The following KCNIP4 variants were observed in gnomAD, a reference collection of about 807,000 sequenced individuals.
KCNIP4 encodes the protein potassium voltage-gated channel interacting protein 4.
In KCNIP4, 12 loss-of-function variants were observed where a neutral mutation model predicts 34.0. The observed-to-expected ratio is 0.35, with a 90% CI of 0.23 to 0.57. The LOEUF (loss-of-function observed/expected upper bound fraction) is 0.57. Among genes scored for constraint, KCNIP4 ranks in the 20% least tolerant of loss-of-function variants. KCNIP4 has a pLI of 0.83. For missense variants in KCNIP4, 238 were observed against 311.7 expected, an observed-to-expected ratio of 0.76 and a Z score of 1.78; for synonymous variants, 124 against 102.2, an observed-to-expected ratio of 1.21 and a Z score of -1.29.
chr4:21,940,127 G>A (rs1730120731), intron 1 of KCNIP4, among the ~76,000 whole-genome samples: 1 of 152,102 alleles, frequency 6.6e-6, no homozygotes, highest in African/African-American at 2.4e-5. Flanking sequence ...CAGACTTCCA[G>A]TATCAAAGAA....
At chr4:20,905,522 T>TTTTTTTTTTTTTTTTTTG (rs768668990) in intron 1 of KCNIP4, among the ~76,000 whole-genome samples, 47 of 111,242 alleles carry the variant, frequency 4.2e-4, no homozygotes, top group African/African-American at 8.2e-4. Context: ...TTTTTTTTTT[T>TTTTTTTTTTTTTTTTTTG]TTTGTTTGAG....
chr4:21,564,827 A>G (rs773091924), intron 1 of KCNIP4, among the ~76,000 whole-genome samples: 51 of 150,866 alleles, frequency 3.4e-4, no homozygotes, highest in Non-Finnish European at 6.5e-4. Context: ...GAAGCAAGAG[A>G]GAGAGTGGAG....
At chr4:21,282,301 T>G (rs1762825641) in intron 1 of KCNIP4, among the ~76,000 whole-genome samples, 1 of 152,204 alleles carries the variant, frequency 6.6e-6, no homozygotes, top group African/African-American at 2.4e-5. Context: ...ACTACCAAAC[T>G]ATAAGTAGAT....
chr4:21,764,660 C>T (rs146000865), intron 1 of KCNIP4, among the ~76,000 whole-genome samples: 5 of 152,188 alleles, frequency 3.3e-5, no homozygotes, highest in Non-Finnish European at 5.9e-5. Context: ...TTTTGCTCCA[C>T]ATCCCTGGAA....
intron 1 of KCNIP4, among the ~76,000 whole-genome samples, chr4:21,108,800 T>C (rs1449551892): frequency 6.6e-6 from 1 of 152,106 alleles, no homozygotes; most frequent in African/African-American, 2.4e-5. Context: ...TTCTGTTTGT[T>C]GGTTTTCCTT....
intron 1 of KCNIP4, among the ~76,000 whole-genome samples, chr4:21,223,250 A>G (rs1459603129): frequency 6.6e-6 from 1 of 152,178 alleles, no homozygotes; most frequent in Non-Finnish European, 1.5e-5. Context: ...CATGCTGCTG[A>G]CTTTGAAGAT....
At position 21,541,645 on chromosome 4, in the gene KCNIP4, C is replaced by A. The variant is rs555367193; in HGVS notation, c.61+406926G>T. 3.3e-5 allele frequency among the ~76,000 whole-genome samples: 5 copies of A among 152,048 alleles called. No homozygotes were observed. In the South Asian group the frequency reaches 6.2e-4, roughly 19 times the overall value. ...AGTCTTATAAGCTTTCTATTTATTT[C>A]TTTTCTTTTCTTTTCAAGACAGGGT... On this transcript the variant is annotated intron_variant, in intron 1 of 8. Coordinates refer to ENST00000382152, the MANE Select transcript of KCNIP4 (RefSeq NM_025221.6).
intron 1 of KCNIP4, among the ~76,000 whole-genome samples, chr4:21,634,223 CAAAA>C (rs376741978): frequency 0.028 from 3,107 of 112,468 alleles, 55 homozygotes; most frequent in East Asian, 0.089. Context: ...GTTCTTTCCT[CAAAA>C]AAAAAAAAAA....
chr4:21,320,153 A>C (rs1714216731), intron 1 of KCNIP4, among the ~76,000 whole-genome samples: 2 of 152,236 alleles, frequency 1.3e-5, no homozygotes, highest in East Asian at 1.9e-4. Flanking sequence ...ACATTAAACC[A>C]GTACTTCATT....
At chr4:21,298,022 T>C (rs1485513324) in intron 1 of KCNIP4, among the ~76,000 whole-genome samples, 1 of 152,196 alleles carries the variant, frequency 6.6e-6, no homozygotes, top group East Asian at 1.9e-4. Flanking sequence ...TACTTCCTTG[T>C]GATCTTAAGC....
rs1318992761 is a variant in KCNIP4, at chr4:21,835,837, CA to C, written c.61+112733del. ...CAAATGAGGCATATTTGATTCAATA[CA>C]GTTTAACACTGAAAATGAATAAGCC... On this transcript the variant is annotated intron_variant, in intron 1 of 8. Transcript: ENST00000382152. Among the ~76,000 whole-genome samples the C allele has an allele frequency of 3.3e-5, 5 of 152,184 alleles. No individual in the cohort carries two copies. In the East Asian group the frequency reaches 9.6e-4, roughly 29 times the overall value.
chr4:21,813,049 G>A (rs115717769), intron 1 of KCNIP4, among the ~76,000 whole-genome samples: 1 of 152,040 alleles, frequency 6.6e-6, no homozygotes, highest in Non-Finnish European at 1.5e-5. Flanking sequence ...ATCTTCTAAT[G>A]GCTTCTAACT....
At chr4:21,294,332 C>T (rs1053669826) in intron 1 of KCNIP4, among the ~76,000 whole-genome samples, 3 of 152,120 alleles carry the variant, frequency 2.0e-5, no homozygotes, top group Non-Finnish European at 4.4e-5. Flanking sequence ...GATCTGGGCC[C>T]TAACTCCCTG....
intron 4 of KCNIP4, among the ~76,000 whole-genome samples, chr4:20,753,810 C>A (rs528198489): frequency 6.6e-6 from 1 of 152,256 alleles, no homozygotes; most frequent in South Asian, 2.1e-4. Flanking sequence ...TTATTTTAAT[C>A]TTTATGTCTA....
intron 3 of KCNIP4, among the ~76,000 whole-genome samples, chr4:20,814,975 T>A (rs1308249903): frequency 6.6e-6 from 1 of 152,036 alleles, no homozygotes; most frequent in Admixed American, 6.5e-5. Flanking sequence ...ATTCATCTAA[T>A]AATTTATCTC....
intron 1 of KCNIP4, among the ~76,000 whole-genome samples, chr4:21,740,085 T>C (rs1248460997): frequency 6.6e-6 from 1 of 152,040 alleles, no homozygotes; most frequent in African/African-American, 2.4e-5. Flanking sequence ...TACTCAAGAA[T>C]ATATGTATAC....
intron 1 of KCNIP4, among the ~76,000 whole-genome samples, chr4:20,960,970 A>G (rs995776647): frequency 6.6e-6 from 1 of 152,172 alleles, no homozygotes; most frequent in African/African-American, 2.4e-5. Context: ...TCGAAAATGC[A>G]TTTTGCACTT....
chr4:21,061,500 A>G (rs1743912458), intron 1 of KCNIP4, among the ~76,000 whole-genome samples: 2 of 152,190 alleles, frequency 1.3e-5, no homozygotes, highest in Admixed American at 6.6e-5. Flanking sequence ...GGTGAGCCAG[A>G]CTCAGCACCA....
intron 1 of KCNIP4, among the ~76,000 whole-genome samples, chr4:21,275,456 TG>T (rs1762384155): frequency 6.6e-6 from 1 of 152,198 alleles, no homozygotes; most frequent in South Asian, 2.1e-4. Flanking sequence ...AATGAACAAA[TG>T]GGCACTCAAA....
Sources: allele counts gnomAD v4.1 joint callset (sites outside exome capture counted in the v4.1 genomes callset), GRCh38; gene constraint gnomAD v4.1.1; transcripts MANE v1.5; gene names NCBI Gene and HGNC (gene_info 2026-07-23, HGNC 2026-07-21).